The following SLC24A2 variants were observed in gnomAD, a reference collection of about 807,000 sequenced individuals.
The protein encoded by SLC24A2 is sodium/potassium/calcium exchanger 2.
SLC24A2 carries 36 observed loss-of-function variants against 62.0 expected under a neutral mutation model. The ratio of observed to expected loss-of-function variants is 0.58; its 90% CI spans 0.44 to 0.77. The LOEUF (loss-of-function observed/expected upper bound fraction) is 0.77, where lower values mean the gene tolerates loss of function less well. Among genes scored for constraint, SLC24A2 ranks in the 30% least tolerant of loss-of-function variants. The pLI, the probability that SLC24A2 is intolerant of heterozygous loss-of-function variation, is 0.00. For synonymous variants in SLC24A2, 358 were observed against 294.0 expected, an observed-to-expected ratio of 1.22 and a Z score of -2.23; for missense variants, 846 against 817.9, an observed-to-expected ratio of 1.03 and a Z score of -0.42.
At chr9:19,832,763 C>T in the SLC24A2 span, among the ~76,000 whole-genome samples, 1 of 152,170 alleles carries the variant, frequency 6.6e-6, no homozygotes. Context: ...AACTAAACAG[C>T]TTCTGCACAG....
chr9:19,636,315 T>TTTTCCTTTCTTTCTTTC (rs1564009647), intron 2 of SLC24A2, among the ~76,000 whole-genome samples: 29 of 40,320 alleles, frequency 7.2e-4, no homozygotes, highest in South Asian at 1.9e-3. Context: ...TTTTCTTTTC[T>TTTTCCTTTCTTTCTTTC]TTTCTTTCTT....
chr9:19,933,105 T>A, the SLC24A2 span, among the ~76,000 whole-genome samples: 6 of 152,142 alleles, frequency 3.9e-5, no homozygotes, highest in Non-Finnish European at 7.3e-5. Flanking sequence ...GGTAGAAAAT[T>A]CCCAGGTTCT....
chr9:20,073,567 C>A, the SLC24A2 span, among the ~76,000 whole-genome samples: 1 of 151,930 alleles, frequency 6.6e-6, no homozygotes, highest in African/African-American at 2.4e-5. Context: ...TAGAGTTTTG[C>A]CTAAGTTTTG....
At chr9:19,727,976 G>C (rs1821221139) in intron 2 of SLC24A2, among the ~76,000 whole-genome samples, 1 of 152,150 alleles carries the variant, frequency 6.6e-6, no homozygotes, top group Admixed American at 6.6e-5. Flanking sequence ...AAACAGCTCT[G>C]GGAGGTCAGT....
the SLC24A2 span, among the ~76,000 whole-genome samples, chr9:20,103,708 T>C: frequency 4.5e-4 from 68 of 151,984 alleles, no homozygotes; most frequent in Admixed American, 1.4e-3. Context: ...TACATCACCA[T>C]CATCAAAGAC....
the SLC24A2 span, among the ~76,000 whole-genome samples, chr9:19,913,307 T>C: frequency 2.0e-5 from 3 of 152,098 alleles, no homozygotes; most frequent in Admixed American, 6.6e-5. Flanking sequence ...ATTCCCTTCT[T>C]AGAGACGTGC....
the SLC24A2 span, among the ~76,000 whole-genome samples, chr9:20,159,971 C>T: frequency 6.6e-6 from 1 of 151,322 alleles, no homozygotes; most frequent in Non-Finnish European, 1.5e-5. Context: ...TGTGGATAGG[C>T]TTACCTTGCT....
chr9:19,712,191 T>C (rs1327946599), intron 2 of SLC24A2, among the ~76,000 whole-genome samples: 1 of 152,218 alleles, frequency 6.6e-6, no homozygotes, highest in African/African-American at 2.4e-5. Context: ...GAGGATTCCA[T>C]ATGGCTGTTA....
At chr9:20,059,022 T>A in the SLC24A2 span, among the ~76,000 whole-genome samples, 4 of 152,350 alleles carry the variant, frequency 2.6e-5, no homozygotes, top group South Asian at 8.3e-4. Context: ...TGTAGATAAG[T>A]ATTTAAGGCA....
At chr9:19,800,027 A>T in the SLC24A2 span, among the ~76,000 whole-genome samples, 2 of 152,170 alleles carry the variant, frequency 1.3e-5, no homozygotes, top group South Asian at 2.1e-4. Context: ...TTGTGGCTGC[A>T]TCATTGCAGT....
the SLC24A2 span, among the ~76,000 whole-genome samples, chr9:20,301,208 A>G: frequency 3.3e-5 from 5 of 152,184 alleles, no homozygotes; most frequent in South Asian, 4.2e-4. Context: ...TGAAAGAAAC[A>G]TTGGTTAAAA....
At chr9:19,816,597 T>A in the SLC24A2 span, among the ~76,000 whole-genome samples, 1 of 152,120 alleles carries the variant, frequency 6.6e-6, no homozygotes, top group Non-Finnish European at 1.5e-5. Flanking sequence ...GGCTCATAGT[T>A]CTGCAGGCTA....
At chr9:19,963,966 A>C in the SLC24A2 span, among the ~76,000 whole-genome samples, 1 of 152,234 alleles carries the variant, frequency 6.6e-6, no homozygotes, top group East Asian at 1.9e-4. Context: ...CTTGGAATCC[A>C]CCCAAATGTC....
chr9:19,622,534 C>A (rs1486836350), intron 2 of SLC24A2, among the ~76,000 whole-genome samples: 1 of 152,108 alleles, frequency 6.6e-6, no homozygotes, highest in Non-Finnish European at 1.5e-5. Context: ...AATGGCCAAC[C>A]CGAATGTCCA....
the SLC24A2 span, among the ~76,000 whole-genome samples, chr9:20,246,405 C>T: frequency 6.6e-6 from 1 of 152,150 alleles, no homozygotes; most frequent in African/African-American, 2.4e-5. Context: ...CCTGTTTTTG[C>T]AATTTCAGAA....
the SLC24A2 span, among the ~76,000 whole-genome samples, chr9:20,108,175 A>G: frequency 1.8e-4 from 27 of 152,266 alleles, no homozygotes; most frequent in Admixed American, 8.5e-4. Flanking sequence ...TTAGAATGGC[A>G]ATCATTAAAA....
At chr9:19,964,612 G>C in the SLC24A2 span, among the ~76,000 whole-genome samples, 4 of 152,174 alleles carry the variant, frequency 2.6e-5, no homozygotes, top group Admixed American at 1.3e-4. Context: ...ATGTCCACTT[G>C]GTTGGACTGA....
the SLC24A2 span, among the ~76,000 whole-genome samples, chr9:19,820,732 G>A: frequency 6.6e-6 from 1 of 151,752 alleles, no homozygotes; most frequent in Non-Finnish European, 1.5e-5. Context: ...ATGTGTCTGT[G>A]GGTGTGTACA....
intron 2 of SLC24A2, among the ~76,000 whole-genome samples, chr9:19,637,320 G>C (rs957348678): frequency 2.6e-5 from 4 of 152,228 alleles, no homozygotes; most frequent in Non-Finnish European, 5.9e-5. Context: ...GGGTGCCGGA[G>C]GTCTGCCCTG....
Sources: allele counts gnomAD v4.1 joint callset (sites outside exome capture counted in the v4.1 genomes callset), GRCh38; gene constraint gnomAD v4.1.1; transcripts MANE v1.5; gene names NCBI Gene and HGNC (gene_info 2026-07-23, HGNC 2026-07-21).